The following PDE11A variants were observed in gnomAD, a reference collection of about 807,000 sequenced individuals.
The protein encoded by PDE11A is dual 3',5'-cyclic-AMP and -GMP phosphodiesterase 11A.
A neutral mutation model predicts 100.5 loss-of-function variants in PDE11A; 100 were observed. The ratio of observed to expected loss-of-function variants is 1.00; its 90% CI spans 0.85 to 1.18. The LOEUF (loss-of-function observed/expected upper bound fraction) is 1.18, where lower values mean the gene tolerates loss of function less well. Ranked by LOEUF, PDE11A falls within the 50% of genes most tolerant of loss-of-function variation. The probability of loss-of-function intolerance (pLI) is 0.00; values close to 1 mark genes in which losing one functional copy is unlikely to be tolerated. For synonymous variants in PDE11A, 381 were observed against 420.8 expected (o/e 0.91, Z 1.16); for missense variants, 1,141 against 1,152.6 (o/e 0.99, Z 0.15).
chr2:177,916,212 T>C (rs1407673576), intron 2 of PDE11A, among the ~76,000 whole-genome samples: 1 of 152,234 alleles, frequency 6.6e-6, no homozygotes, highest in South Asian at 2.1e-4. Flanking sequence ...TAAGCATTTA[T>C]TTATTTCTAC....
At chr2:177,795,930 TTAAACTATATATATATATATATATA>T (rs1387654110) in intron 9 of PDE11A, among the ~76,000 whole-genome samples, 5 of 117,452 alleles carry the variant, frequency 4.3e-5, no homozygotes, top group African/African-American at 1.5e-4. Context: ...ATTATTTTGT[TTAAACTATATATATATATATATATA>T]TATATATATA....
chr2:178,106,285 T>C (rs2087617233), intron 1 of PDE11A, among the ~76,000 whole-genome samples: 2 of 152,202 alleles, frequency 1.3e-5, no homozygotes, highest in Non-Finnish European at 1.5e-5. Flanking sequence ...TGGAAACCCA[T>C]AACAGTGTCA....
At chr2:177,712,831 G>A (rs1043103015) in intron 12 of PDE11A, among the ~76,000 whole-genome samples, 2 of 152,134 alleles carry the variant, frequency 1.3e-5, no homozygotes, top group Admixed American at 6.5e-5. Context: ...ATCAGAGAGT[G>A]GGAGGAGGGG....
chr2:178,092,686 C>A (rs371744805), intron 2 of PDE11A: 2 of 152,318 alleles, frequency 1.3e-5, no homozygotes, highest in Admixed American at 1.3e-4. Context: ...CTGCAACCTC[C>A]GCCTCCCAGG....
At chr2:178,013,448 A>C (rs1207951752) in intron 2 of PDE11A, among the ~76,000 whole-genome samples, 1 of 152,198 alleles carries the variant, frequency 6.6e-6, no homozygotes, top group East Asian at 1.9e-4. Context: ...CCTTACAATC[A>C]TATTTCATGT....
At chr2:177,663,750 G>T (rs1206258591) in intron 19 of PDE11A, 116 bp downstream of exon 19, 2 of 728,898 alleles carry the variant, frequency 2.7e-6, no homozygotes, top group Non-Finnish European at 5.0e-6. Context: ...TGCAGCCAGA[G>T]CTCTCCGCAA....
intron 2 of PDE11A, among the ~76,000 whole-genome samples, chr2:177,986,744 T>C (rs761353743): frequency 1.1e-4 from 16 of 151,218 alleles, no homozygotes; most frequent in Non-Finnish European, 2.4e-4. Context: ...GGCAGGAGAA[T>C]CGCTTGAACA....
intron 7 of PDE11A, among the ~76,000 whole-genome samples, chr2:177,818,543 A>G (rs2365895): frequency 0.41 from 61,625 of 151,790 alleles, 14,346 homozygotes; most frequent in African/African-American, 0.64. Context: ...ATTAAATGAG[A>G]TAATGTTAGA....
intron 15 of PDE11A, chr2:177,687,645 A>T (rs2080973230): frequency 6.6e-6 from 1 of 152,228 alleles, no homozygotes; most frequent in African/African-American, 2.4e-5. Flanking sequence ...ACCACCTTGT[A>T]CATGTTTCCT....
intron 2 of PDE11A, among the ~76,000 whole-genome samples, chr2:177,937,900 A>G (rs1480686275): frequency 1.3e-5 from 2 of 152,216 alleles, no homozygotes; most frequent in African/African-American, 2.4e-5. Context: ...TCAACCAGCC[A>G]AAAGACACTG....
At chr2:178,043,856 T>C (rs1205734333) in intron 1 of PDE11A, among the ~76,000 whole-genome samples, 1 of 152,194 alleles carries the variant, frequency 6.6e-6, no homozygotes, top group Non-Finnish European at 1.5e-5. Context: ...TGAGCCAGGA[T>C]GCTAACTAAG....
chr2:177,643,871 G>C (rs1349674885), intron 19 of PDE11A, among the ~76,000 whole-genome samples: 2 of 152,254 alleles, frequency 1.3e-5, no homozygotes, highest in South Asian at 4.1e-4. Context: ...CCAAGGTACA[G>C]CTTGGACAGT....
chr2:177,747,494 C>A (rs2081965723), intron 10 of PDE11A, among the ~76,000 whole-genome samples: 1 of 152,172 alleles, frequency 6.6e-6, no homozygotes, highest in Non-Finnish European at 1.5e-5. Flanking sequence ...GCATCTGGGC[C>A]AAGTCCAAAA....
intron 6 of PDE11A, among the ~76,000 whole-genome samples, chr2:177,837,999 T>G (rs1329880957): frequency 6.6e-6 from 1 of 152,220 alleles, no homozygotes; most frequent in Non-Finnish European, 1.5e-5. Context: ...TTCTTCTCAG[T>G]TGATTGAATT....
intron 1 of PDE11A, among the ~76,000 whole-genome samples, chr2:178,049,079 C>T (rs1277921210): frequency 6.6e-6 from 1 of 152,124 alleles, no homozygotes; most frequent in Non-Finnish European, 1.5e-5. Context: ...ATCTTAATAA[C>T]AAATATTTGA....
chr2:177,871,205 G>C (rs1360230499), intron 5 of PDE11A, among the ~76,000 whole-genome samples: 3 of 152,096 alleles, frequency 2.0e-5, no homozygotes, highest in Non-Finnish European at 4.4e-5. Context: ...CAAAGGTTTA[G>C]GAATTAAAAG....
intron 15 of PDE11A, among the ~76,000 whole-genome samples, chr2:177,693,011 G>A (rs2081062986): frequency 6.6e-6 from 1 of 152,130 alleles, no homozygotes; most frequent in African/African-American, 2.4e-5. Flanking sequence ...TCCCTCTAGG[G>A]GAGGAAAGCA....
chr2:177,938,277 T>A (rs2085302898), intron 2 of PDE11A, among the ~76,000 whole-genome samples: 1 of 152,128 alleles, frequency 6.6e-6, no homozygotes, highest in Non-Finnish European at 1.5e-5. Flanking sequence ...AAAAGACTTA[T>A]CATCACACAT....
At chr2:178,037,244 T>C (rs747453428) in intron 1 of PDE11A, among the ~76,000 whole-genome samples, 14 of 152,288 alleles carry the variant, frequency 9.2e-5, no homozygotes, top group African/African-American at 3.1e-4. Flanking sequence ...AAAGAAGACA[T>C]TTATGTGGCC....
Sources: allele counts gnomAD v4.1 joint callset (sites outside exome capture counted in the v4.1 genomes callset), GRCh38; gene constraint gnomAD v4.1.1; transcripts MANE v1.5; gene names NCBI Gene and HGNC (gene_info 2026-07-23, HGNC 2026-07-21).